The following ZNF79 variants were observed in gnomAD, a reference collection of about 807,000 sequenced individuals.
ZNF79 encodes zinc finger protein 79.
A neutral mutation model predicts 14.9 loss-of-function variants in ZNF79; 13 were observed. That is an observed-to-expected ratio of 0.87 (90% confidence interval 0.57 to 1.38). The LOEUF is 1.38. Ranked by LOEUF, ZNF79 falls within the 40% of genes most tolerant of loss-of-function variation. The probability of loss-of-function intolerance (pLI) is 0.00; values close to 1 mark genes in which losing one functional copy is unlikely to be tolerated. For missense variants in ZNF79, 631 were observed against 630.6 expected, an observed-to-expected ratio of 1.00 and a Z score of -0.01; for synonymous variants, 223 against 235.1, an observed-to-expected ratio of 0.95 and a Z score of 0.47.
intron 4 of ZNF79, among the ~76,000 whole-genome samples, chr9:127,443,394 G>A (rs1013735851): frequency 2.0e-5 from 3 of 152,162 alleles, no homozygotes. Context: ...CAGCCTGAGT[G>A]AGACTCTGTC....
At chr9:127,432,084 G>C (rs1473001731) in intron 2 of ZNF79, among the ~76,000 whole-genome samples, 2 of 149,420 alleles carry the variant, frequency 1.3e-5, no homozygotes, top group Non-Finnish European at 3.0e-5. Context: ...TGTCAGTTCT[G>C]TTCTTTATTA....
Position 127,435,131 on chromosome 9 carries a change from G to A in ZNF79, c.147G>A (p.Gln49=). 1 of 1,613,076 alleles carries A rather than the reference G, an allele frequency of 6.2e-7. No homozygotes were observed. Among genetic ancestry groups the A allele is most frequent in the Non-Finnish European group, 8.5e-7 (1 of 1,179,502 alleles). The change falls in exon 3 of 5, where the codon CAG becomes CAA. Residue 49 remains glutamine, a synonymous_variant. Transcript: ENST00000342483. ...GCAGTGTGACGGTAGCTTTTGCACA[G>A]GAAAGGTGGAGGTGCCTCGTGTCTA... is the stretch of plus-strand genomic sequence containing the variant. ...FFSSVTVAFA[Q]ERWRCLVSTP...
Position 127,445,199 on chromosome 9 carries a change from T to TAGGAACATGGTAGAAGTGG in ZNF79, c.*5_*23dup. The TAGGAACATGGTAGAAGTGG allele has an allele frequency of 6.2e-7, 1 of 1,613,314 alleles. No individual in the cohort carries two copies. Among genetic ancestry groups the TAGGAACATGGTAGAAGTGG allele is most frequent in the Non-Finnish European group, 8.5e-7 (1 of 1,179,478 alleles). The stretch of plus-strand genomic sequence containing the variant: ...CAGAGACTCCACGCCGGAGAGTAAC[T>TAGGAACATGGTAGAAGTGG]AGGAACATGGTAGAAGTGGAGAGAG... On this transcript the variant is annotated 3_prime_UTR_variant, in exon 5 of 5. Coordinates refer to ENST00000342483, the MANE Select transcript of ZNF79 (RefSeq NM_007135.3).
rs1359611516 is a variant in ZNF79, at chr9:127,435,167, C to G, written c.183C>G (p.Asp61Glu). The change falls in exon 3 of 5, where the codon GAC (aspartate) becomes GAG (glutamate). Residue 61 changes from aspartate (D) to glutamate (E), a missense_variant. By Grantham distance (45) the Asp-to-Glu change is conservative. Transcript: ENST00000342483. Reference protein sequence around the residue: ...RWRCLVSTPRDRFKEGIPGKS... With the variant: ...RWRCLVSTPRERFKEGIPGKS... ...GGTGCCTCGTGTCTACTCCACGGGA[C>G]AGGTTCAAGGAGGGGATACCAGGAA... 5 of 1,613,182 alleles carry G rather than the reference C, an allele frequency of 3.1e-6. No individual in the cohort carries two copies. In the Admixed American group the frequency reaches 8.4e-5, roughly 27 times the overall value.
intron 2 of ZNF79, among the ~76,000 whole-genome samples, chr9:127,429,408 C>T (rs1394640184): frequency 6.6e-6 from 1 of 151,690 alleles, no homozygotes; most frequent in East Asian, 1.9e-4. Context: ...GCAGCCTCAA[C>T]CTCCTGAGCT....
Position 127,444,147 on chromosome 9 carries a change from G to C in ZNF79, c.447G>C (p.Lys149Asn). 1 of 1,613,760 alleles carries C rather than the reference G, an allele frequency of 6.2e-7. No individual in the cohort carries two copies. Among genetic ancestry groups the C allele is most frequent in the Non-Finnish European group, 8.5e-7 (1 of 1,180,028 alleles). Residue 149 changes from lysine (K) to asparagine (N), a missense_variant, in exon 5 of 5, where the codon AAG becomes AAC. Lys to Asn is a moderately conservative substitution (Grantham distance 94). Coordinates refer to ENST00000342483, the MANE Select transcript of ZNF79 (RefSeq NM_007135.3). The stretch of plus-strand genomic sequence containing the variant: ...ACCACGGGACCAGTGACCTTGAGAA[G>C]AGCTTCAATCTGAGACCAGTCCTCT... ...DSDHGTSDLE[K>N]SFNLRPVLSP...
At position 127,424,553 on chromosome 9, in the gene ZNF79, CAA is replaced by C; in HGVS notation, c.-233_-232del. ...CACCGGGTTCTGCTTGAGGCCGAGCCAAAGAGTGGCTGTGACTCGGGAGACGG... is the reference window on the plus strand; with the variant it reads ...CACCGGGTTCTGCTTGAGGCCGAGCCAGAGTGGCTGTGACTCGGGAGACGG... On this transcript the variant is annotated 5_prime_UTR_variant, in exon 1 of 5. Coordinates refer to ENST00000342483, the MANE Select transcript of ZNF79 (RefSeq NM_007135.3). 1.9e-6 allele frequency: 1 copy of C among 529,836 alleles called. No individual in the cohort carries two copies. The highest frequency in any genetic ancestry group is 1.9e-5 in the African/African-American group (1 of 52,450). 32.8% of individuals were successfully genotyped at this position (529,836 alleles called of 1,614,324 possible).
chr9:127,445,202 G>T lies in ZNF79; in HGVS notation c.*5G>T. 6.2e-7 allele frequency: 1 copy of T among 1,612,934 alleles called. No homozygotes were observed. On this transcript the variant is annotated 3_prime_UTR_variant, in exon 5 of 5. Coordinates refer to ENST00000342483, the MANE Select transcript of ZNF79 (RefSeq NM_007135.3). ...AGACTCCACGCCGGAGAGTAACTAG[G>T]AACATGGTAGAAGTGGAGAGAGTCC...
In ZNF79 at chr9:127,445,313, T is replaced by A. The variant is rs1226122910; in HGVS notation, c.*116T>A. On this transcript the variant is annotated 3_prime_UTR_variant, in exon 5 of 5. Coordinates refer to ENST00000342483, the MANE Select transcript of ZNF79 (RefSeq NM_007135.3). ...ATCTGAAGACATCTAACTTAGAGTC[T>A]GCAGCCCAGAGCCACATGCAAAACA... 1 of 1,155,606 alleles carries A rather than the reference T, an allele frequency of 8.7e-7. No individual in the cohort carries two copies. The highest frequency in any genetic ancestry group is 2.4e-5 in the Admixed American group (1 of 40,978). The allele number at this position is 1,155,606 out of a possible 1,614,324, so 71.6% of individuals were successfully genotyped here.
chr9:127,424,512 C>T lies in ZNF79; in HGVS notation c.-276C>T. Reference sequence around the variant, plus strand: ...CAGTTGCCAGTCGTTTTTCGGAAAGCTGGCAGCGGCTTTTTCACCGGGTTC... The same window carrying T: ...CAGTTGCCAGTCGTTTTTCGGAAAGTTGGCAGCGGCTTTTTCACCGGGTTC... On this transcript the variant is annotated 5_prime_UTR_variant, in exon 1 of 5. Coordinates refer to ENST00000342483, the MANE Select transcript of ZNF79 (RefSeq NM_007135.3). The T allele has an allele frequency of 2.4e-6, 1 of 411,634 alleles. No individual in the cohort carries two copies. Among genetic ancestry groups the T allele is most frequent in the Non-Finnish European group, 4.4e-6 (1 of 225,526 alleles). 25.5% of individuals were successfully genotyped at this position (411,634 alleles called of 1,614,324 possible).
At chr9:127,436,077 G>T in intron 4 of ZNF79, 74 bp downstream of exon 4, 1 of 1,249,010 alleles carries the variant, frequency 8.0e-7, no homozygotes, top group South Asian at 1.2e-5. Context: ...GAGTGTATTT[G>T]ATTATCATAA....
At chr9:127,425,512 T>C (rs1406603527) in intron 1 of ZNF79, among the ~76,000 whole-genome samples, 2 of 152,228 alleles carry the variant, frequency 1.3e-5, no homozygotes, top group Non-Finnish European at 2.9e-5. Context: ...ATTTGGTCTT[T>C]TACTCTACAA....
Position 127,435,963 on chromosome 9 carries a change from A to T in ZNF79, c.288A>T (p.Ala96=), listed in dbSNP as rs761658837. ...MNSQLEQREG[A]WMLEGEDLRS... is the part of the protein sequence containing the mutation. The stretch of plus-strand genomic sequence containing the variant: ...CCCAGTTGGAACAAAGGGAAGGCGC[A>T]TGGATGCTGGAGGGCGAAGACCTGC... The change falls in exon 4 of 5, where the codon GCA becomes GCT. Residue 96 remains alanine (A), a synonymous_variant. Coordinates refer to ENST00000342483, the MANE Select transcript of ZNF79 (RefSeq NM_007135.3). 1.2e-6 allele frequency: 2 copies of T among 1,614,258 alleles called. No individual in the cohort carries two copies. Among genetic ancestry groups the T allele is most frequent in the East Asian group, 4.5e-5 (2 of 44,890 alleles).
Position 127,424,819 on chromosome 9 carries a change from G to A in ZNF79, c.16+16G>A. 4 of 1,613,848 alleles carry A rather than the reference G, an allele frequency of 2.5e-6. No individual in the cohort carries two copies. Among genetic ancestry groups the A allele is most frequent in the Non-Finnish European group, 3.4e-6 (4 of 1,179,950 alleles). ...GAGGAAGGAGGTGAGGAGTGGTAGA[G>A]GGAGCGATTGTCAAGAGATCGGCTG... On this transcript the variant is annotated intron_variant, in intron 1 of 4. Transcript: ENST00000342483.
At chr9:127,437,122 T>C (rs1833962587) in intron 4 of ZNF79, among the ~76,000 whole-genome samples, 1 of 151,738 alleles carries the variant, frequency 6.6e-6, no homozygotes, top group Admixed American at 6.6e-5. Context: ...TTTCTTGAGT[T>C]ATAAGTTATT....
chr9:127,439,284 A>G (rs530129093), intron 4 of ZNF79, among the ~76,000 whole-genome samples: 1 of 152,316 alleles, frequency 6.6e-6, no homozygotes, highest in Non-Finnish European at 1.5e-5. Flanking sequence ...CTTGCCATGC[A>G]TTAACTACAT....
chr9:127,439,066 C>G (rs371954412), intron 4 of ZNF79, among the ~76,000 whole-genome samples: 1 of 150,530 alleles, frequency 6.6e-6, no homozygotes, highest in Admixed American at 6.7e-5. Flanking sequence ...GAGCCAAGAT[C>G]GTGCCACTGC....
chr9:127,428,995 TG>T, intron 2 of ZNF79, 75 bp downstream of exon 2: 1 of 992,026 alleles, frequency 1.0e-6, no homozygotes. Flanking sequence ...CCTTGTTTTT[TG>T]TTGTCATTGT....
intron 2 of ZNF79, 86 bp from the exon 3 acceptor site, chr9:127,435,004 G>A: frequency 6.9e-7 from 1 of 1,448,060 alleles, no homozygotes; most frequent in East Asian, 2.5e-5. Flanking sequence ...GACTTTTCCA[G>A]CTCCCCCAAA....
Sources: allele counts gnomAD v4.1 joint callset (sites outside exome capture counted in the v4.1 genomes callset), GRCh38; gene constraint gnomAD v4.1.1; transcripts MANE v1.5; gene names NCBI Gene and HGNC (gene_info 2026-07-23, HGNC 2026-07-21).